Variants in SIK3 observed in about 807,000 individuals in gnomAD.
SIK3 encodes serine/threonine-protein kinase SIK3.
In SIK3, 28 loss-of-function variants were observed where a neutral mutation model predicts 144.2. That is an observed-to-expected ratio of 0.19 (90% CI 0.14 to 0.27). The LOEUF is 0.27. Among genes scored for constraint, SIK3 ranks in the 10% least tolerant of loss-of-function variants. SIK3 has a pLI of 1.00. For missense variants in SIK3, 1,319 were observed against 1,776.0 expected (o/e 0.74, Z 4.62); for synonymous variants, 686 against 676.3 (o/e 1.01, Z -0.22).
At chr11:117,034,703 T>C (rs917005601) in intron 1 of SIK3, among the ~76,000 whole-genome samples, 3 of 152,188 alleles carry the variant, frequency 2.0e-5, no homozygotes, top group African/African-American at 7.2e-5. Flanking sequence ...TTATCAATTG[T>C]ATTAAGGCAT....
chr11:117,030,346 T>C (rs1952203481), intron 1 of SIK3, among the ~76,000 whole-genome samples: 1 of 152,148 alleles, frequency 6.6e-6, no homozygotes. Context: ...AGCAACAAAA[T>C]GGAACTACTT....
intron 1 of SIK3, among the ~76,000 whole-genome samples, chr11:116,966,172 C>T (rs1381990034): frequency 3.3e-5 from 5 of 152,104 alleles, no homozygotes; most frequent in Admixed American, 6.5e-5. Flanking sequence ...GTGGCTCATG[C>T]TGTAATCCCA....
chr11:116,898,498 G>A (rs1460669291), intron 4 of SIK3, among the ~76,000 whole-genome samples: 1 of 152,026 alleles, frequency 6.6e-6, no homozygotes. Context: ...CCAGTAATGG[G>A]ATGGCTGGGT....
chr11:116,973,117 T>C (rs1022820029), intron 1 of SIK3, among the ~76,000 whole-genome samples: 20 of 152,148 alleles, frequency 1.3e-4, no homozygotes, highest in Admixed American at 1.3e-3. Flanking sequence ...GTCCATTTAA[T>C]ACTGTACAGC....
chr11:116,876,505 T>C lies in SIK3; in HGVS notation c.985-142A>G, dbSNP rs544258847. The C allele has an allele frequency of 4.4e-5, 31 of 705,190 alleles. No individual in the cohort carries two copies. In the African/African-American group the frequency reaches 5.5e-4, roughly 13 times the overall value. 43.7% of individuals were successfully genotyped at this position (705,190 alleles called of 1,614,324 possible). On this transcript the variant is annotated intron_variant, in intron 7 of 24. Coordinates refer to ENST00000445177, the MANE Select transcript of SIK3 (RefSeq NM_001366686.3). ...AGACAAAGTCTAAGGAAGAGAGCCC[T>C]GAGTGATCAGCTGTAAACAGACAAC...
At chr11:116,962,057 G>A (rs2135422506) in intron 1 of SIK3, among the ~76,000 whole-genome samples, 1 of 152,144 alleles carries the variant, frequency 6.6e-6, no homozygotes, top group African/African-American at 2.4e-5. Context: ...GAATGAAGCT[G>A]AAAAAAATAG....
intron 1 of SIK3, among the ~76,000 whole-genome samples, chr11:116,988,903 A>G (rs1039325193): frequency 6.6e-6 from 1 of 151,608 alleles, no homozygotes; most frequent in Non-Finnish European, 1.5e-5. Context: ...AAGACAACAT[A>G]TGCCCTGTAC....
chr11:116,935,221 C>T (rs1490113899), intron 3 of SIK3, among the ~76,000 whole-genome samples: 1 of 152,034 alleles, frequency 6.6e-6, no homozygotes, highest in Non-Finnish European at 1.5e-5. Context: ...GCACTCCAGC[C>T]TGGGCAACAG....
In SIK3 at chr11:116,863,836, G is replaced by A. The variant is rs367699962; in HGVS notation, c.1953-18C>T. The A allele has an allele frequency of 6.3e-7, 1 of 1,584,886 alleles. No individual in the cohort carries two copies. The highest frequency in any genetic ancestry group is 8.6e-7 in the Non-Finnish European group (1 of 1,163,718). Reference sequence around the variant, plus strand: ...AGGTAGAGCTGAATATATGGGAAGAGAAGGTTAGAGGCTAGGACTCAGGGG... The same window carrying A: ...AGGTAGAGCTGAATATATGGGAAGAAAAGGTTAGAGGCTAGGACTCAGGGG... On this transcript the variant is annotated intron_variant, in intron 15 of 24. Transcript: ENST00000445177.
intron 15 of SIK3, chr11:116,864,236 A>G (rs1271267383): frequency 6.4e-6 from 1 of 156,036 alleles, no homozygotes; most frequent in African/African-American, 2.4e-5. Context: ...TCCCTGAGCA[A>G]TGATCTCCGT....
At chr11:117,048,067 A>G (rs1953045552) in intron 1 of SIK3, among the ~76,000 whole-genome samples, 1 of 152,166 alleles carries the variant, frequency 6.6e-6, no homozygotes, top group South Asian at 2.1e-4. Flanking sequence ...TTATTCAGAC[A>G]TGGAAATACG....
chr11:116,927,394 G>A lies in SIK3; in HGVS notation c.455-14C>T. 1 of 1,607,702 alleles carries A rather than the reference G, an allele frequency of 6.2e-7. No homozygotes were observed. The highest frequency in any genetic ancestry group is 8.5e-7 in the Non-Finnish European group (1 of 1,176,906). On this transcript the variant is annotated splice_polypyrimidine_tract_variant and intron_variant, in intron 3 of 24. Transcript: ENST00000445177. ...CCACCAGGTGGTCTGTGTTGAAGAAGAATACAGTCAGTTTTCATTTTGGAC... is the reference window on the plus strand; with the variant it reads ...CCACCAGGTGGTCTGTGTTGAAGAAAAATACAGTCAGTTTTCATTTTGGAC...
intron 1 of SIK3, among the ~76,000 whole-genome samples, chr11:117,080,839 T>C (rs535227719): frequency 2.8e-4 from 43 of 152,026 alleles, no homozygotes; most frequent in African/African-American, 8.9e-4. Flanking sequence ...TCCCAGCTAC[T>C]TGGGAGGCTG....
At chr11:116,865,881 T>A (rs1943605327) in intron 15 of SIK3, among the ~76,000 whole-genome samples, 1 of 152,180 alleles carries the variant, frequency 6.6e-6, no homozygotes, top group African/African-American at 2.4e-5. Flanking sequence ...TGTATAGTGA[T>A]CCCATCAAGA....
chr11:116,936,811 TA>T (rs1947943891), intron 3 of SIK3, among the ~76,000 whole-genome samples: 1 of 152,220 alleles, frequency 6.6e-6, no homozygotes, highest in Non-Finnish European at 1.5e-5. Flanking sequence ...TTCTAATTCA[TA>T]AACATAGTTC....
chr11:116,862,522 T>C (rs140380395), intron 16 of SIK3, among the ~76,000 whole-genome samples, 195 bp from the exon 17 acceptor site: 88 of 152,328 alleles, frequency 5.8e-4, no homozygotes, highest in African/African-American at 1.7e-3. Flanking sequence ...TCTGTATGAA[T>C]GAATGGAAAA....
In SIK3 at chr11:117,013,907, G is replaced by GT. The variant is rs1485971413; in HGVS notation, c.274-56844_274-56843insA. Reference sequence around the variant, plus strand: ...TAAGTCTCCAGATTCTGAGGGGGGGGGGGGGAGGGTGTGTGTGTGTGTGTG... The same window carrying GT: ...TAAGTCTCCAGATTCTGAGGGGGGGGTGGGGGAGGGTGTGTGTGTGTGTGTG... On this transcript the variant is annotated intron_variant, in intron 1 of 24. Coordinates refer to ENST00000445177, the MANE Select transcript of SIK3 (RefSeq NM_001366686.3). Among the ~76,000 whole-genome samples, 25 of 44,834 alleles carry GT rather than the reference G, an allele frequency of 5.6e-4. 1 individual carries two copies. Among genetic ancestry groups the GT allele is most frequent in the African/African-American group, 1.7e-3 (24 of 14,442 alleles). 29.4% of individuals were successfully genotyped at this position (44,834 alleles called of 152,430 possible). A position where few individuals can be genotyped will look rare whatever the true frequency, so the allele number is the denominator to read the frequency against.
chr11:116,987,101 T>C (rs1950349449), intron 1 of SIK3, among the ~76,000 whole-genome samples: 1 of 152,122 alleles, frequency 6.6e-6, no homozygotes, highest in Non-Finnish European at 1.5e-5. Context: ...ATGGTTACAA[T>C]GCTAAGTTTT....
chr11:116,952,058 G>A (rs760350393), intron 3 of SIK3, among the ~76,000 whole-genome samples: 1 of 152,074 alleles, frequency 6.6e-6, no homozygotes, highest in Admixed American at 6.6e-5. Flanking sequence ...CAAACATTAA[G>A]ATGACATGAT....
Sources: allele counts gnomAD v4.1 joint callset (sites outside exome capture counted in the v4.1 genomes callset), GRCh38; gene constraint gnomAD v4.1.1; transcripts MANE v1.5; gene names NCBI Gene and HGNC (gene_info 2026-07-23, HGNC 2026-07-21).